KCNH5: variants seen among roughly 807,000 people sequenced by gnomAD.
KCNH5 encodes the protein voltage-gated delayed rectifier potassium channel KCNH5.
Under a neutral mutation model 96.1 loss-of-function variants are expected in KCNH5, and 46 were observed. That is an observed-to-expected ratio of 0.48 (90% confidence interval 0.38 to 0.61). The LOEUF is 0.61. KCNH5 is among the 20% of genes least tolerant of loss of function. The probability of loss-of-function intolerance (pLI) is 0.00; values close to 1 mark genes in which losing one functional copy is unlikely to be tolerated. For synonymous variants in KCNH5, 439 were observed against 449.8 expected, an observed-to-expected ratio of 0.98 and a Z score of 0.30; for missense variants, 907 against 1,225.8, an observed-to-expected ratio of 0.74 and a Z score of 3.88.
intron 2 of KCNH5, among the ~76,000 whole-genome samples, chr14:63,010,900 G>A (rs1304187974): frequency 6.6e-6 from 1 of 152,168 alleles, no homozygotes; most frequent in Non-Finnish European, 1.5e-5. Flanking sequence ...CTCTTACTCT[G>A]CTAAATGTGC....
chr14:62,920,877 C>T (rs17223818), intron 7 of KCNH5, among the ~76,000 whole-genome samples: 21,266 of 152,116 alleles, frequency 0.14, 1,729 homozygotes, highest in East Asian at 0.37. Context: ...ATGCATTCAT[C>T]TATAAACTTA....
chr14:62,701,547 AG>A lies in KCNH5; in HGVS notation c.*5960del, dbSNP rs1487626962. 2 of 152,240 alleles carry A rather than the reference AG, an allele frequency of 1.3e-5. No individual in the cohort carries two copies. Among genetic ancestry groups the A allele is most frequent in the African/African-American group, 4.8e-5 (2 of 41,574 alleles). 9.4% of individuals were successfully genotyped at this position (152,240 alleles called of 1,614,324 possible). ...GGATGGAAGTGAGCTGACTATAAAA[AG>A]CTTTGGATGGTGTCAGTGGGGTCCT... is the stretch of plus-strand genomic sequence containing the variant. On this transcript the variant is annotated 3_prime_UTR_variant, in exon 11 of 11. Coordinates refer to ENST00000322893, the MANE Select transcript of KCNH5 (RefSeq NM_139318.5).
rs182306672 is a variant in KCNH5, at chr14:62,996,250, A to C, written c.433+5081T>G. Among the ~76,000 whole-genome samples the C allele has an allele frequency of 3.9e-3, 587 of 152,268 alleles. 8 individuals are homozygous for C. Among genetic ancestry groups the C allele is most frequent in the African/African-American group, 0.014 (565 of 41,558 alleles). On this transcript the variant is annotated intron_variant, in intron 4 of 10. Coordinates refer to ENST00000322893, the MANE Select transcript of KCNH5 (RefSeq NM_139318.5). ...TATTTCTATTGAATTTTTCATGTTA[A>C]ATGTACAGTTCACATGAATAATAGA...
At position 62,802,473 on chromosome 14, in the gene KCNH5, G is replaced by A. The variant is rs899330305; in HGVS notation, c.1678C>T (p.Arg560Cys). ...AFRLASDGCLRALAVEFQTIH... is the reference protein window; with the variant it reads ...AFRLASDGCLCALAVEFQTIH... ...GTTTGGAACTCTACCGCCAAGGCGC[G>A]CAGACACCCATCGCTGGCCAATCGA... The change falls in exon 9 of 11, where the codon CGC (arginine) becomes TGC (cysteine). Residue 560 changes from arginine to cysteine, a missense_variant. Coordinates refer to ENST00000322893, the MANE Select transcript of KCNH5 (RefSeq NM_139318.5). 2 of 1,614,120 alleles carry A rather than the reference G, an allele frequency of 1.2e-6. No individual in the cohort carries two copies. Among genetic ancestry groups the A allele is most frequent in the Non-Finnish European group, 8.5e-7 (1 of 1,179,992 alleles).
chr14:62,974,695 G>A (rs1023057401), intron 6 of KCNH5, among the ~76,000 whole-genome samples: 7 of 152,096 alleles, frequency 4.6e-5, no homozygotes, highest in African/African-American at 9.7e-5. Context: ...GGATTATATC[G>A]TAATTTTCAG....
Position 62,867,137 on chromosome 14 carries a change from C to T in KCNH5, c.1370-17285G>A, listed in dbSNP as rs150474708. 4.9e-3 allele frequency among the ~76,000 whole-genome samples: 741 copies of T among 152,312 alleles called. 5 individuals are homozygous for T. The highest frequency in any genetic ancestry group is 0.017 in the African/African-American group (698 of 41,560). ...GAGGATCAGAGGGCCACACAGAACA[C>T]TTCCTCCCACCTCTCACTGGCAGAG... On this transcript the variant is annotated intron_variant, in intron 7 of 10. Transcript: ENST00000322893.
At chr14:62,916,289 T>A (rs1444312250) in intron 7 of KCNH5, among the ~76,000 whole-genome samples, 2 of 152,178 alleles carry the variant, frequency 1.3e-5, no homozygotes, top group South Asian at 2.1e-4. Context: ...GATGTTCACG[T>A]TCTTAACCAC....
intron 8 of KCNH5, among the ~76,000 whole-genome samples, chr14:62,842,795 C>G (rs1323868450): frequency 6.6e-6 from 1 of 152,124 alleles, no homozygotes; most frequent in Non-Finnish European, 1.5e-5. Context: ...CAGTACTTAG[C>G]TGTCCTAATA....
At chr14:62,974,832 A>G (rs528545076) in intron 6 of KCNH5, among the ~76,000 whole-genome samples, 4 of 152,300 alleles carry the variant, frequency 2.6e-5, no homozygotes, top group Non-Finnish European at 4.4e-5. Flanking sequence ...CTTCAGGTCA[A>G]TAAGTCACCA....
chr14:62,719,503 G>A (rs1315476362), intron 10 of KCNH5, among the ~76,000 whole-genome samples: 2 of 152,214 alleles, frequency 1.3e-5, no homozygotes, highest in African/African-American at 4.8e-5. Context: ...TTCGTGAATT[G>A]GGCAGCCCCC....
In KCNH5 at chr14:62,779,862, T is replaced by C; in HGVS notation, c.1885A>G (p.Asn629Asp). Residue 629 changes from asparagine to aspartate, a missense_variant, in exon 10 of 11, where the codon AAC (asparagine) becomes GAC (aspartate). Around this residue, in one of 6 missense-constraint regions of KCNH5, gnomAD observed 57 missense variants for 76.0 expected, o/e 0.75. Coordinates refer to ENST00000322893, the MANE Select transcript of KCNH5 (RefSeq NM_139318.5). ...TCACAGTACGTCAGTGCCCGGACGT[T>C]CGCACATGCATGGGCAAGGGTGGTT... Reference protein sequence around the residue: ...KETTLAHACANVRALTYCDLH... With the variant: ...KETTLAHACADVRALTYCDLH... 6.2e-7 allele frequency: 1 copy of C among 1,613,682 alleles called. No homozygotes were observed. Among genetic ancestry groups the C allele is most frequent in the Non-Finnish European group, 8.5e-7 (1 of 1,179,752 alleles).
intron 8 of KCNH5, among the ~76,000 whole-genome samples, chr14:62,831,880 T>C (rs1197305991): frequency 6.6e-6 from 1 of 151,974 alleles, no homozygotes; most frequent in Non-Finnish European, 1.5e-5. Flanking sequence ...GGCTAGTTTT[T>C]TTTCTTATTT....
At chr14:62,735,202 G>C (rs1885131720) in intron 10 of KCNH5, among the ~76,000 whole-genome samples, 1 of 152,156 alleles carries the variant, frequency 6.6e-6, no homozygotes, top group African/African-American at 2.4e-5. Context: ...TAGCACAAGA[G>C]TCAAAAGGAA....
chr14:62,746,294 C>A (rs935026762), intron 10 of KCNH5, among the ~76,000 whole-genome samples: 1 of 152,166 alleles, frequency 6.6e-6, no homozygotes, highest in African/African-American at 2.4e-5. Context: ...GATTCACCAA[C>A]CTGCCAAATA....
chr14:62,748,531 G>A (rs780161411), intron 10 of KCNH5, among the ~76,000 whole-genome samples: 5 of 151,954 alleles, frequency 3.3e-5, no homozygotes, highest in Admixed American at 6.6e-5. Flanking sequence ...AGATGGAGTC[G>A]CTCTGGTTCG....
chr14:63,032,117 ACT>A (rs2139624370), intron 1 of KCNH5, among the ~76,000 whole-genome samples: 1 of 149,814 alleles, frequency 6.7e-6, no homozygotes, highest in East Asian at 2.0e-4. Flanking sequence ...AAAAAAAAAA[ACT>A]TTCACTAATT....
In KCNH5 at chr14:63,012,750, G is replaced by A. The variant is rs141753869; in HGVS notation, c.197+4081C>T. On this transcript the variant is annotated intron_variant, in intron 2 of 10. Transcript: ENST00000322893. ...AGACATGATGAATAGATCATCATAC[G>A]GTGACACAAAGAAGTCTAAAAACAT... Among the ~76,000 whole-genome samples, 38 of 151,908 alleles carry A rather than the reference G, an allele frequency of 2.5e-4. No homozygotes were observed. In the East Asian group the frequency reaches 2.7e-3, roughly 11 times the overall value.
At chr14:63,036,623 C>A (rs1891727000) in intron 1 of KCNH5, among the ~76,000 whole-genome samples, 1 of 151,976 alleles carries the variant, frequency 6.6e-6, no homozygotes, top group African/African-American at 2.4e-5. Context: ...GAAATACAGA[C>A]CTGGGGCACA....
At chr14:62,853,354 CAT>C (rs1372151430) in intron 7 of KCNH5, among the ~76,000 whole-genome samples, 1 of 149,280 alleles carries the variant, frequency 6.7e-6, no homozygotes, top group Non-Finnish European at 1.5e-5. Context: ...TGAGATAACG[CAT>C]ATAAAAAAGT....
Sources: gnomAD v4.1 joint callset for allele counts (sites outside exome capture counted in the v4.1 genomes callset) on GRCh38, gnomAD v4.1.1 for gene constraint, gnomAD v4.1.1 regional missense constraint, MANE v1.5 for transcripts, NCBI Gene and HGNC (gene_info 2026-07-23, HGNC 2026-07-21) for gene names.